The following KCNK7 variants were observed in gnomAD, a reference collection of about 807,000 sequenced individuals.
KCNK7 encodes the protein potassium two pore domain channel subfamily K member 7, also known as potassium channel subfamily K member 7.
Under a neutral mutation model 18.1 loss-of-function variants are expected in KCNK7, and 14 were observed. That is an observed-to-expected ratio of 0.77 (90% confidence interval 0.51 to 1.21). The LOEUF (loss-of-function observed/expected upper bound fraction) is 1.21, where lower values mean the gene tolerates loss of function less well. Ranked by LOEUF, KCNK7 falls within the 50% of genes most tolerant of loss-of-function variation. The pLI is 0.00. For synonymous variants in KCNK7, 188 were observed against 184.7 expected (o/e 1.02, Z -0.15); for missense variants, 385 against 387.3 (o/e 0.99, Z 0.05).
Position 65,593,055 on chromosome 11 carries a change from T to C in KCNK7, c.874A>G (p.Ser292Gly). 2 of 1,613,574 alleles carry C rather than the reference T, an allele frequency of 1.2e-6. No individual in the cohort carries two copies. The highest frequency in any genetic ancestry group is 1.7e-6 in the Non-Finnish European group (2 of 1,179,940). The change falls in exon 3 of 3, where the codon AGC (serine) becomes GGC (glycine). Residue 292 changes from serine to glycine, a missense_variant. Transcript: ENST00000340313. ...GILGQDELAL[S>G]TLPPAAPASG... is the part of the protein sequence containing the mutation. ...GCTGGGGCCGCGGGCGGCAGGGTGC[T>C]CAGAGCCAGTTCATCCTGCCCTAGG...
At chr11:65,593,356 G>C in intron 2 of KCNK7, 120 bp downstream of exon 2, 1 of 1,613,748 alleles carries the variant, frequency 6.2e-7, no homozygotes, top group Non-Finnish European at 8.5e-7. Context: ...CCCCTCCCAC[G>C]CCGTGCCCTG....
rs1471068282 is a variant in KCNK7, at chr11:65,593,085, C to T, written c.844G>A (p.Gly282Ser). The T allele has an allele frequency of 6.2e-7, 1 of 1,613,690 alleles. No individual in the cohort carries two copies. The highest frequency in any genetic ancestry group is 2.2e-5 in the East Asian group (1 of 44,854). ...GCCAGTTCATCCTGCCCTAGGATGCCACCTTGGTCCTCAGCAGTCACAGGA... is the reference window on the plus strand; with the variant it reads ...GCCAGTTCATCCTGCCCTAGGATGCTACCTTGGTCCTCAGCAGTCACAGGA... The part of the protein sequence containing the change: ...SGPVTAEDQG[G>S]ILGQDELALS... The change falls in exon 3 of 3, where the codon GGC becomes AGC. Residue 282 changes from glycine (G) to serine (S), a missense_variant. By Grantham distance (56) the Gly-to-Ser change is moderately conservative. Coordinates refer to ENST00000340313, the MANE Select transcript of KCNK7 (RefSeq NM_033347.2).
chr11:65,592,936 C>T lies in KCNK7; in HGVS notation c.*69G>A. 1 of 1,539,526 alleles carries T rather than the reference C, an allele frequency of 6.5e-7. No homozygotes were observed. Among genetic ancestry groups the T allele is most frequent in the Non-Finnish European group, 8.7e-7 (1 of 1,143,882 alleles). On this transcript the variant is annotated 3_prime_UTR_variant, in exon 3 of 3. Coordinates refer to ENST00000340313, the MANE Select transcript of KCNK7 (RefSeq NM_033347.2). ...GCGGCTCCATCTCCAGATTCTTCCC[C>T]AGCCACTCCTGGCTGCTTCCTCCTC...
At chr11:65,594,588 A>T (rs934751143) in intron 1 of KCNK7, among the ~76,000 whole-genome samples, 1 of 152,152 alleles carries the variant, frequency 6.6e-6, no homozygotes, top group Non-Finnish European at 1.5e-5. Flanking sequence ...TGGAAATATG[A>T]GCTGGGCACA....
rs765353782 is a variant in KCNK7 at position 65,595,774 on chromosome 11, G to A, written c.-2C>T. The A allele has an allele frequency of 2.7e-6, 4 of 1,502,384 alleles. No individual in the cohort carries two copies. Among genetic ancestry groups the A allele is most frequent in the Non-Finnish European group, 3.6e-6 (4 of 1,114,956 alleles). The allele number at this position is 1,502,384 out of a possible 1,614,324, so 93.1% of individuals were successfully genotyped here. On this transcript the variant is annotated 5_prime_UTR_variant, in exon 1 of 3. Transcript: ENST00000340313. ...GGACCAGGGCCTTAGACCCCCCATGGCAGGCCGCTGGGGTGCTGTGGGAAC... is the reference window on the plus strand; with the variant it reads ...GGACCAGGGCCTTAGACCCCCCATGACAGGCCGCTGGGGTGCTGTGGGAAC...
In KCNK7 at chr11:65,593,229, T is replaced by A; in HGVS notation, c.719-19A>T. 1 of 1,612,916 alleles carries A rather than the reference T, an allele frequency of 6.2e-7. No homozygotes were observed. The highest frequency in any genetic ancestry group is 8.5e-7 in the Non-Finnish European group (1 of 1,179,426). On this transcript the variant is annotated intron_variant, in intron 2 of 2. Coordinates refer to ENST00000340313, the MANE Select transcript of KCNK7 (RefSeq NM_033347.2). Reference sequence around the variant, plus strand: ...AAGTAACCTGGGGAGGAGAAGGTGCTGGGGCAGCGCCTGGGTTCTGGTGAT... The same window carrying A: ...AAGTAACCTGGGGAGGAGAAGGTGCAGGGGCAGCGCCTGGGTTCTGGTGAT...
chr11:65,593,732 C>T lies in KCNK7; in HGVS notation c.462G>A (p.Trp154Ter), dbSNP rs760888455. 5 of 1,610,856 alleles carry T rather than the reference C, an allele frequency of 3.1e-6. No individual in the cohort carries two copies. The highest frequency in any genetic ancestry group is 4.2e-6 in the Non-Finnish European group (5 of 1,179,504). ...LLPVLSRPRA[W>*]VAVHWQLSPA... is the part of the protein sequence containing the mutation. The stretch of plus-strand genomic sequence containing the variant: ...GTGACAGCTGCCAGTGGACCGCTAC[C>T]CAGGCACGTGGGCGGCTGAGCACAG... The change falls in exon 2 of 3, where the codon TGG becomes TGA. Residue 154 changes from tryptophan to a stop codon, truncating the protein, a stop_gained. Coordinates refer to ENST00000340313, the MANE Select transcript of KCNK7 (RefSeq NM_033347.2). LOFTEE classifies it high-confidence loss of function.
chr11:65,593,339 T>C (rs371151822), intron 2 of KCNK7, 129 bp from the exon 3 acceptor site: 1 of 1,613,746 alleles, frequency 6.2e-7, no homozygotes, highest in African/African-American at 1.3e-5. Flanking sequence ...CCAGAGCTCT[T>C]CGACTACCCC....
chr11:65,595,386 C>T (rs1466347616), intron 1 of KCNK7, 68 bp downstream of exon 1: 19 of 1,317,484 alleles, frequency 1.4e-5, no homozygotes, highest in Admixed American at 6.0e-5. Flanking sequence ...TGCATGAACC[C>T]CAAAGCCCCC....
Position 65,593,214 on chromosome 11 carries a change from G to A in KCNK7, c.719-4C>T. 2.5e-6 allele frequency: 4 copies of A among 1,612,976 alleles called. No homozygotes were observed. Among genetic ancestry groups the A allele is most frequent in the Non-Finnish European group, 2.5e-6 (3 of 1,179,502 alleles). The stretch of plus-strand genomic sequence containing the variant: ...AAGAGTCCTAGAAGCAAGTAACCTG[G>A]GGAGGAGAAGGTGCTGGGGCAGCGC... On this transcript the variant is annotated splice_region_variant and splice_polypyrimidine_tract_variant and intron_variant, in intron 2 of 2. Transcript: ENST00000340313.
Position 65,595,542 on chromosome 11 carries a change from C to G in KCNK7, c.231G>C (p.Gly77=). 5 of 1,580,286 alleles carry G rather than the reference C, an allele frequency of 3.2e-6. No homozygotes were observed. Among genetic ancestry groups the G allele is most frequent in the Non-Finnish European group, 4.3e-6 (5 of 1,156,864 alleles). Reference sequence around the variant, plus strand: ...CTGAGCTGTTGCCCAGGGTGGAGACCCCATGGGCCTGGGTGGCCAGGGCAG... The same window carrying G: ...CTGAGCTGTTGCCCAGGGTGGAGACGCCATGGGCCTGGGTGGCCAGGGCAG... The part of the protein sequence containing the change: ...LGTALATQAH[G]VSTLGNSSEG... The change falls in exon 1 of 3, where the codon GGG becomes GGC. Residue 77 remains glycine (G), a synonymous_variant. Coordinates refer to ENST00000340313, the MANE Select transcript of KCNK7 (RefSeq NM_033347.2).
In KCNK7 at chr11:65,593,609, G is replaced by T. The variant is rs374293577; in HGVS notation, c.585C>A (p.Gly195=). ...LPALVLWGLQ[G]DCSLLGAVYF... ...AGACGGCCCCCAGCAGGCTGCAGTC[G>T]CCCTGAAGGCCCCACAGCACCAGCG... Residue 195 remains glycine (G), a synonymous_variant, in exon 2 of 3, where the codon GGC becomes GGA. Coordinates refer to ENST00000340313, the MANE Select transcript of KCNK7 (RefSeq NM_033347.2). 2.0e-5 allele frequency: 32 copies of T among 1,604,910 alleles called. No homozygotes were observed. The highest frequency in any genetic ancestry group is 2.7e-5 in the Non-Finnish European group (32 of 1,179,702).
rs371336136 is a variant in KCNK7 at position 65,593,275 on chromosome 11, C to T, written c.719-65G>A. On this transcript the variant is annotated intron_variant, in intron 2 of 2. Transcript: ENST00000340313. ...GTGATGCTCCCCGCCCACCTCCCAG[C>T]GCAGTGACTTGCCCTGGCAACTGGC... is the stretch of plus-strand genomic sequence containing the variant. 2.7e-4 allele frequency: 433 copies of T among 1,613,420 alleles called. 3 individuals are homozygous for T. The African/African-American group carries it at 5.1e-3, about 19-fold the overall frequency.
intron 2 of KCNK7, 117 bp downstream of exon 2, chr11:65,593,359 G>A: frequency 3.7e-6 from 6 of 1,613,846 alleles, no homozygotes; most frequent in East Asian, 4.5e-5. Flanking sequence ...CTCCCACGCC[G>A]TGCCCTGGAG....
intron 2 of KCNK7, 43 bp downstream of exon 2, chr11:65,593,433 C>T (rs754343195): frequency 2.1e-5 from 34 of 1,613,838 alleles, no homozygotes; most frequent in Non-Finnish European, 2.7e-5. Flanking sequence ...GTCCAGGCTC[C>T]TCTTCCCCCT....
chr11:65,595,662 G>A lies in KCNK7; in HGVS notation c.111C>T (p.Cys37=), dbSNP rs762222110. ...CTGCCCTGAGCTCAGCCTGAAGCCTGCATGCAGGAGGCCCCTCCAGGGCCT... is the reference window on the plus strand; with the variant it reads ...CTGCCCTGAGCTCAGCCTGAAGCCTACATGCAGGAGGCCCCTCCAGGGCCT... ...VFQALEGPPA[C]RLQAELRAEL... The change falls in exon 1 of 3, where the codon TGC becomes TGT. Residue 37 remains cysteine, a synonymous_variant. Transcript: ENST00000340313. The A allele has an allele frequency of 6.2e-7, 1 of 1,604,462 alleles. No homozygotes were observed. Among genetic ancestry groups the A allele is most frequent in the Non-Finnish European group, 8.5e-7 (1 of 1,175,762 alleles).
chr11:65,594,305 A>G (rs1854304520), intron 1 of KCNK7, among the ~76,000 whole-genome samples: 1 of 152,216 alleles, frequency 6.6e-6, no homozygotes, highest in South Asian at 2.1e-4. Context: ...GAAGGGCTGC[A>G]AAGAGGCAGC....
Position 65,593,587 on chromosome 11 carries a change from C to T in KCNK7, c.607G>A (p.Val203Ile), listed in dbSNP as rs145719205. Residue 203 changes from valine (V) to isoleucine (I), a missense_variant, in exon 2 of 3, where the codon GTC (valine) becomes ATC (isoleucine). Physicochemically the swap from Val to Ile is conservative, Grantham distance 29. Coordinates refer to ENST00000340313, the MANE Select transcript of KCNK7 (RefSeq NM_033347.2). ...CTGAGCGAGCTGAAGCAGAAGTAGA[C>T]GGCCCCCAGCAGGCTGCAGTCGCCC... Reference protein sequence around the residue: ...LQGDCSLLGAVYFCFSSLSTI... With the variant: ...LQGDCSLLGAIYFCFSSLSTI... 134 of 1,606,588 alleles carry T rather than the reference C, an allele frequency of 8.3e-5. No homozygotes were observed. The Middle Eastern group carries it at 1.8e-3, about 22-fold the overall frequency.
In KCNK7 at chr11:65,593,165, G is replaced by C. The variant is rs758058773; in HGVS notation, c.764C>G (p.Thr255Ser). 6.2e-7 allele frequency: 1 copy of C among 1,613,726 alleles called. No homozygotes were observed. ...ACGGACCTGCGGCAGCTCAGAGAAG[G>C]TCTCCACTGCCAGCAGCATGGCCAA... Reference protein sequence around the residue: ...GLLAMLLAVETFSELPQVRAM... With the variant: ...GLLAMLLAVESFSELPQVRAM... The change falls in exon 3 of 3, where the codon ACC becomes AGC. Residue 255 changes from threonine (T) to serine (S), a missense_variant. By Grantham distance (58) the Thr-to-Ser change is moderately conservative (BLOSUM62 1). Transcript: ENST00000340313.
Sources: gnomAD v4.1 joint callset for allele counts (sites outside exome capture counted in the v4.1 genomes callset) on GRCh38, gnomAD v4.1.1 for gene constraint, MANE v1.5 for transcripts, NCBI Gene and HGNC (gene_info 2026-07-23, HGNC 2026-07-21) for gene names.